PPM1B: variants seen among roughly 807,000 people sequenced by gnomAD.
PPM1B encodes the protein protein phosphatase, Mg2+/Mn2+ dependent 1B.
A neutral mutation model predicts 43.0 loss-of-function variants in PPM1B; 22 were observed. The ratio of observed to expected loss-of-function variants is 0.51; its 90% CI spans 0.37 to 0.73. The LOEUF is 0.73. Ranked by LOEUF, PPM1B falls within the 30% of genes least tolerant of loss-of-function variation. The pLI, the probability that PPM1B is intolerant of heterozygous loss-of-function variation, is 0.00. For synonymous variants in PPM1B, 217 were observed against 197.9 expected, an observed-to-expected ratio of 1.10 and a Z score of -0.81; for missense variants, 632 against 584.2, an observed-to-expected ratio of 1.08 and a Z score of -0.84.
At chr2:44,224,724 G>A (rs2104251378) in intron 5 of PPM1B, among the ~76,000 whole-genome samples, 1 of 152,064 alleles carries the variant, frequency 6.6e-6, no homozygotes, top group East Asian at 1.9e-4. Context: ...GATGGGAGAT[G>A]TCCTGAATTC....
intron 3 of PPM1B, among the ~76,000 whole-genome samples, chr2:44,215,120 G>C (rs1238422610): frequency 2.0e-5 from 3 of 152,190 alleles, no homozygotes; most frequent in Non-Finnish European, 4.4e-5. Flanking sequence ...GTAGCAAATA[G>C]TTATTATTAA....
intron 1 of PPM1B, among the ~76,000 whole-genome samples, chr2:44,172,851 G>A (rs1297550251): frequency 6.6e-6 from 1 of 152,196 alleles, no homozygotes; most frequent in East Asian, 1.9e-4. Flanking sequence ...AAGCTGCAGC[G>A]AGCTGTGATT....
At chr2:44,197,259 A>G (rs1668706765) in intron 1 of PPM1B, among the ~76,000 whole-genome samples, 1 of 152,056 alleles carries the variant, frequency 6.6e-6, no homozygotes, top group South Asian at 2.1e-4. Context: ...AACCCAGGCT[A>G]CAGCCGTGCG....
intron 1 of PPM1B, among the ~76,000 whole-genome samples, chr2:44,180,988 T>C (rs1396060884): frequency 1.3e-5 from 2 of 151,836 alleles, no homozygotes; most frequent in Non-Finnish European, 2.9e-5. Context: ...GACTTGCTCT[T>C]TTGCCCAGGC....
chr2:44,208,031 G>A (rs1669276583), intron 2 of PPM1B, among the ~76,000 whole-genome samples: 1 of 151,650 alleles, frequency 6.6e-6, no homozygotes, highest in Non-Finnish European at 1.5e-5. Flanking sequence ...TGGTATTACA[G>A]GTGCGCGCCA....
Position 44,209,314 on chromosome 2 carries a change from A to G in PPM1B, c.951A>G (p.Glu317=). ...KKDSELDKHL[E]SRVEEIMEKS... is the part of the protein sequence containing the mutation. ...ATTCAGAGTTGGATAAGCACTTGGAATCACGGGTTGAAGGTAAGACAAATG... is the reference window on the plus strand; with the variant it reads ...ATTCAGAGTTGGATAAGCACTTGGAGTCACGGGTTGAAGGTAAGACAAATG... Residue 317 remains glutamate (E), a synonymous_variant, in exon 3 of 6, where the codon GAA becomes GAG. Coordinates refer to ENST00000282412, the MANE Select transcript of PPM1B (RefSeq NM_002706.6). 1 of 1,614,122 alleles carries G rather than the reference A, an allele frequency of 6.2e-7. No homozygotes were observed. The highest frequency in any genetic ancestry group is 1.1e-5 in the South Asian group (1 of 91,082).
chr2:44,180,672 G>A (rs1353008497), intron 1 of PPM1B, among the ~76,000 whole-genome samples: 1 of 151,918 alleles, frequency 6.6e-6, no homozygotes, highest in Non-Finnish European at 1.5e-5. Flanking sequence ...GTGCAGGAGT[G>A]TGATCATATC....
intron 1 of PPM1B, among the ~76,000 whole-genome samples, chr2:44,180,056 A>C (rs978746307): frequency 4.6e-5 from 7 of 151,414 alleles, no homozygotes; most frequent in Admixed American, 4.6e-4. Flanking sequence ...AACTCTTAAA[A>C]TATTCCCCAA....
At chr2:44,236,662 C>A (rs979276458), downstream of PPM1B, among the ~76,000 whole-genome samples, 5 of 152,064 alleles carry the variant, frequency 3.3e-5, no homozygotes, top group Admixed American at 6.5e-5. Flanking sequence ...AATACGCAAA[C>A]CAGAGGAATA....
intron 1 of PPM1B, among the ~76,000 whole-genome samples, chr2:44,200,202 G>C (rs1385700720): frequency 6.6e-6 from 1 of 152,146 alleles, no homozygotes; most frequent in African/African-American, 2.4e-5. Flanking sequence ...AGCCCTATGA[G>C]GTATAGGTAC....
At chr2:44,188,545 C>T (rs186921274) in intron 1 of PPM1B, among the ~76,000 whole-genome samples, 95 of 151,848 alleles carry the variant, frequency 6.3e-4, no homozygotes, top group Admixed American at 4.9e-3. Flanking sequence ...CACAGGCACG[C>T]GCCAGCATGA....
At chr2:44,216,333 T>C (rs1222326256) in intron 3 of PPM1B, among the ~76,000 whole-genome samples, 2 of 152,108 alleles carry the variant, frequency 1.3e-5, no homozygotes, top group African/African-American at 4.8e-5. Flanking sequence ...CTGCTTAATA[T>C]TCCACAGCAC....
chr2:44,243,400 A>C (rs1194661276), intron 5 of PPM1B, among the ~76,000 whole-genome samples: 2 of 152,200 alleles, frequency 1.3e-5, no homozygotes, highest in African/African-American at 4.8e-5. Context: ...TTACATTCAA[A>C]ATTTTCAGAA....
intron 2 of PPM1B, among the ~76,000 whole-genome samples, chr2:44,203,562 A>G (rs1270947191): frequency 2.6e-5 from 4 of 152,110 alleles, no homozygotes; most frequent in African/African-American, 9.7e-5. Context: ...CATCCACCCT[A>G]AGTCAGCTAC....
At chr2:44,210,220 T>A (rs1053909846) in intron 3 of PPM1B, among the ~76,000 whole-genome samples, 4 of 151,258 alleles carry the variant, frequency 2.6e-5, no homozygotes, top group African/African-American at 7.3e-5. Flanking sequence ...AATAAATTTT[T>A]TTTTTTTTTT....
downstream of PPM1B, among the ~76,000 whole-genome samples, chr2:44,245,886 A>G (rs1355963518): frequency 1.3e-5 from 2 of 152,214 alleles, no homozygotes; most frequent in Non-Finnish European, 2.9e-5. Flanking sequence ...CGCTGACTCC[A>G]TTCCTTTGGA....
intron 1 of PPM1B, among the ~76,000 whole-genome samples, chr2:44,195,048 C>T (rs1386833944): frequency 2.0e-5 from 3 of 151,762 alleles, no homozygotes; most frequent in Non-Finnish European, 4.4e-5. Context: ...CTTGCCACCA[C>T]ACCAGGGCTA....
intron 1 of PPM1B, among the ~76,000 whole-genome samples, chr2:44,172,208 T>G (rs1469845074): frequency 6.6e-6 from 1 of 152,234 alleles, no homozygotes; most frequent in African/African-American, 2.4e-5. Flanking sequence ...TGATTTCTTT[T>G]TGTTTTTCCC....
At chr2:44,221,089 A>G (rs1183406834) in intron 5 of PPM1B, among the ~76,000 whole-genome samples, 1 of 152,208 alleles carries the variant, frequency 6.6e-6, no homozygotes, top group Non-Finnish European at 1.5e-5. Context: ...TATCTGTGGT[A>G]TTTTAATCTG....
Sources: allele counts gnomAD v4.1 joint callset (sites outside exome capture counted in the v4.1 genomes callset), GRCh38; gene constraint gnomAD v4.1.1; transcripts MANE v1.5; gene names NCBI Gene and HGNC (gene_info 2026-07-23, HGNC 2026-07-21).